Variants in CERS6 observed in about 807,000 individuals in gnomAD.
The protein encoded by CERS6 is LAG1 homolog, ceramide synthase 6.
Under a neutral mutation model 56.8 loss-of-function variants are expected in CERS6, and 26 were observed. The ratio of observed to expected loss-of-function variants is 0.46; its 90% CI spans 0.34 to 0.63. CERS6 has a LOEUF of 0.63. Among genes scored for constraint, CERS6 ranks in the 30% least tolerant of loss-of-function variants. CERS6 has a pLI of 0.01. For synonymous variants in CERS6, 164 were observed against 173.3 expected (o/e 0.95, Z 0.42); for missense variants, 415 against 467.5 (o/e 0.89, Z 1.04).
chr2:168,627,205 T>TTAATA (rs1684610198), intron 3 of CERS6, among the ~76,000 whole-genome samples: 1 of 152,198 alleles, frequency 6.6e-6, no homozygotes, highest in African/African-American at 2.4e-5. Context: ...TGATTATTAT[T>TTAATA]GCTAAATATT....
At chr2:168,717,540 A>G (rs1468873353) in intron 7 of CERS6, among the ~76,000 whole-genome samples, 1 of 152,192 alleles carries the variant, frequency 6.6e-6, no homozygotes, top group Non-Finnish European at 1.5e-5. Flanking sequence ...GCTTGCTAGT[A>G]TCATCTATGA....
chr2:168,754,852 T>TGCTCAAGTGATCCTCCTGC (rs1400371615), intron 8 of CERS6, among the ~76,000 whole-genome samples: 1 of 152,198 alleles, frequency 6.6e-6, no homozygotes, highest in Non-Finnish European at 1.5e-5. Flanking sequence ...TGAACTCCTG[T>TGCTCAAGTGATCCTCCTGC]GCTCAAGTGA....
chr2:168,564,874 G>A (rs778918448), intron 3 of CERS6, among the ~76,000 whole-genome samples: 15 of 152,152 alleles, frequency 9.9e-5, no homozygotes, highest in Non-Finnish European at 2.2e-4. Flanking sequence ...TTCCAATTCT[G>A]TGTTGCTTGA....
At chr2:168,462,181 A>C (rs1160843822) in intron 1 of CERS6, among the ~76,000 whole-genome samples, 1 of 152,220 alleles carries the variant, frequency 6.6e-6, no homozygotes, top group Admixed American at 6.5e-5. Context: ...CGGGACTTTC[A>C]AAATTTTATT....
At chr2:168,514,004 C>T (rs1694843026) in intron 1 of CERS6, among the ~76,000 whole-genome samples, 1 of 152,146 alleles carries the variant, frequency 6.6e-6, no homozygotes, top group African/African-American at 2.4e-5. Flanking sequence ...GTGCTTGACA[C>T]TACCTTGTTA....
At chr2:168,730,998 A>G (rs1028190416) in intron 8 of CERS6, among the ~76,000 whole-genome samples, 2 of 152,210 alleles carry the variant, frequency 1.3e-5, no homozygotes, top group Non-Finnish European at 2.9e-5. Context: ...CATTCCATAT[A>G]AGAATGACCA....
chr2:168,588,102 G>A (rs1456026112), intron 3 of CERS6, among the ~76,000 whole-genome samples: 1 of 137,814 alleles, frequency 7.3e-6, no homozygotes, highest in East Asian at 2.1e-4. Context: ...TTTTTTGGTA[G>A]AGATGGGATC....
chr2:168,530,046 T>C (rs1188132432), intron 1 of CERS6, among the ~76,000 whole-genome samples: 2 of 152,122 alleles, frequency 1.3e-5, no homozygotes, highest in African/African-American at 4.8e-5. Context: ...AGATGAATGA[T>C]AAGGGAGGCC....
chr2:168,643,556 C>T (rs1004587346), intron 4 of CERS6, among the ~76,000 whole-genome samples: 18 of 152,294 alleles, frequency 1.2e-4, no homozygotes, highest in African/African-American at 4.1e-4. Flanking sequence ...CTATACATCA[C>T]TTATTATAAC....
intron 4 of CERS6, among the ~76,000 whole-genome samples, chr2:168,661,448 A>G (rs1685627153): frequency 6.6e-6 from 1 of 152,208 alleles, no homozygotes; most frequent in Admixed American, 6.5e-5. Context: ...AAAGGAGCAC[A>G]GCGATTCACA....
chr2:168,596,928 G>T (rs1415848921), intron 3 of CERS6, among the ~76,000 whole-genome samples: 1 of 152,164 alleles, frequency 6.6e-6, no homozygotes, highest in Admixed American at 6.5e-5. Context: ...CTGAATTCAA[G>T]AATCCTTTTA....
intron 6 of CERS6, among the ~76,000 whole-genome samples, chr2:168,705,841 C>T (rs1436312656): frequency 1.3e-5 from 2 of 151,426 alleles, no homozygotes; most frequent in African/African-American, 4.9e-5. Flanking sequence ...GGGGTTATTG[C>T]AACAACAAAA....
chr2:168,653,719 G>A (rs918423288), intron 4 of CERS6, among the ~76,000 whole-genome samples: 1 of 152,146 alleles, frequency 6.6e-6, no homozygotes, highest in Non-Finnish European at 1.5e-5. Flanking sequence ...CAGAGAAATG[G>A]TATCTGCTGC....
intron 8 of CERS6, among the ~76,000 whole-genome samples, chr2:168,752,650 G>T (rs1243773548): frequency 1.3e-5 from 2 of 152,162 alleles, no homozygotes; most frequent in African/African-American, 4.8e-5. Flanking sequence ...TAAACTGAGG[G>T]CTTGCTAAGC....
chr2:168,739,845 C>T (rs1020052724), intron 8 of CERS6, among the ~76,000 whole-genome samples: 1 of 151,912 alleles, frequency 6.6e-6, no homozygotes, highest in African/African-American at 2.4e-5. Flanking sequence ...CCTCAGCCTC[C>T]CGAGTAGCTG....
At chr2:168,568,926 C>T (rs1474297948) in intron 3 of CERS6, among the ~76,000 whole-genome samples, 2 of 152,166 alleles carry the variant, frequency 1.3e-5, no homozygotes, top group East Asian at 3.8e-4. Context: ...AAGCTAGGAA[C>T]CTAATAAAAA....
At chr2:168,610,328 C>T (rs904120252) in intron 3 of CERS6, among the ~76,000 whole-genome samples, 1 of 152,068 alleles carries the variant, frequency 6.6e-6, no homozygotes, top group East Asian at 1.9e-4. Context: ...CAGCTGTTGC[C>T]CATCCATCGG....
chr2:168,514,248 T>C (rs530468330), intron 1 of CERS6, among the ~76,000 whole-genome samples: 1 of 152,192 alleles, frequency 6.6e-6, no homozygotes, highest in Non-Finnish European at 1.5e-5. Flanking sequence ...CAAAGAAGTG[T>C]AGTCATCTGA....
At chr2:168,676,370 T>C (rs1280212778) in intron 4 of CERS6, among the ~76,000 whole-genome samples, 4 of 152,210 alleles carry the variant, frequency 2.6e-5, no homozygotes, top group African/African-American at 9.7e-5. Flanking sequence ...ACTGGTCCAC[T>C]GATGTACGGA....
Sources: gnomAD v4.1 joint callset for allele counts (sites outside exome capture counted in the v4.1 genomes callset) on GRCh38, gnomAD v4.1.1 for gene constraint, MANE v1.5 for transcripts, NCBI Gene and HGNC (gene_info 2026-07-23, HGNC 2026-07-21) for gene names.